Variants in BCR observed in about 807,000 individuals in gnomAD.
BCR encodes BCR activator of RhoGEF and GTPase, also known as breakpoint cluster region protein.
In BCR, 58 loss-of-function variants were observed where a neutral mutation model predicts 138.6. That is an observed-to-expected ratio of 0.42 (90% confidence interval 0.34 to 0.52). The LOEUF (loss-of-function observed/expected upper bound fraction) is 0.52, where lower values mean the gene tolerates loss of function less well. Ranked by LOEUF, BCR falls within the 20% of genes least tolerant of loss-of-function variation. The probability of loss-of-function intolerance (pLI) is 0.06; values close to 1 mark genes in which losing one functional copy is unlikely to be tolerated. For missense variants in BCR, 1,599 were observed against 1,727.2 expected (o/e 0.93, Z 1.32); for synonymous variants, 786 against 730.1 (o/e 1.08, Z -1.23).
chr22:23,277,879 C>T (rs559540936), intron 8 of BCR, among the ~76,000 whole-genome samples: 6 of 152,292 alleles, frequency 3.9e-5, no homozygotes, highest in African/African-American at 1.2e-4. Context: ...GAACGGTGGC[C>T]GGCAGGTGCT....
chr22:23,283,436 C>T (rs536791211), intron 8 of BCR: 1 of 152,970 alleles, frequency 6.5e-6, no homozygotes, highest in South Asian at 2.1e-4. Context: ...GGCCTGTCTC[C>T]ACCCATAGAC....
intron 1 of BCR, among the ~76,000 whole-genome samples, chr22:23,224,635 A>C (rs1478076704): frequency 6.6e-6 from 1 of 152,128 alleles, no homozygotes. Context: ...TAATCCCAAC[A>C]CTTTGGGAGG....
intron 15 of BCR, among the ~76,000 whole-genome samples, chr22:23,293,300 A>C (rs2073810109): frequency 1.3e-5 from 2 of 152,204 alleles, no homozygotes; most frequent in Middle Eastern, 3.4e-3. Context: ...GGGCCTGCAG[A>C]GAGCTGCCTC....
intron 4 of BCR, chr22:23,264,342 G>A: frequency 1.0e-6 from 1 of 980,746 alleles, no homozygotes; most frequent in Non-Finnish European, 1.7e-6. Context: ...CCACGTCCTG[G>A]ATATTCAAAA....
At chr22:23,281,853 CCAGTGTGACACT>C (rs1198516807) in intron 8 of BCR, among the ~76,000 whole-genome samples, 3 of 152,228 alleles carry the variant, frequency 2.0e-5, no homozygotes, top group African/African-American at 7.2e-5. Context: ...CTACAGGTCC[CCAGTGTGACACT>C]CAGTAGCCTT....
intron 8 of BCR, chr22:23,283,469 G>A (rs183482650): frequency 2.5e-4 from 39 of 155,276 alleles, no homozygotes; most frequent in Non-Finnish European, 2.4e-4. Context: ...TCTGTACCTC[G>A]GGCACCAATC....
rs199575825 is a variant in BCR, at chr22:23,292,664, C to T, written c.2880+26C>T. ...GTGAGGAACTGATTCCACAAGGGCC[C>T]AGCCTGCCAGGTGGGGCACAGGATA... On this transcript the variant is annotated intron_variant, in intron 15 of 22. Transcript: ENST00000305877. 5.5e-4 allele frequency: 869 copies of T among 1,574,530 alleles called. 12 individuals carry two copies. In the Middle Eastern group the frequency reaches 0.012, roughly 22 times the overall value.
intron 13 of BCR, 166 bp downstream of exon 13, chr22:23,289,787 C>A: frequency 1.5e-6 from 1 of 653,378 alleles, no homozygotes; most frequent in Non-Finnish European, 2.7e-6. Context: ...CAGGAGTGGA[C>A]AAGGTGGGTT....
chr22:23,298,270 C>T lies in BCR; in HGVS notation c.3012+3115C>T, dbSNP rs572612514. 6.1e-4 allele frequency among the ~76,000 whole-genome samples: 93 copies of T among 152,234 alleles called. 1 individual carries two copies. In the South Asian group the frequency reaches 0.018, roughly 30 times the overall value. On this transcript the variant is annotated intron_variant, in intron 16 of 22. Coordinates refer to ENST00000305877, the MANE Select transcript of BCR (RefSeq NM_004327.4). ...ACAGGCCAAAGTGATCGATCTCCCC[C>T]GGGGGATGGCGTGGGGTGAGGAATC...
intron 2 of BCR, among the ~76,000 whole-genome samples, chr22:23,259,519 T>A (rs1027247557): frequency 1.4e-5 from 2 of 143,378 alleles, no homozygotes; most frequent in African/African-American, 5.6e-5. Flanking sequence ...AAAAAAAAAT[T>A]TTTTTTTTTT....
intron 5 of BCR, 98 bp downstream of exon 5, chr22:23,268,613 C>A: frequency 9.7e-7 from 1 of 1,026,372 alleles, no homozygotes; most frequent in South Asian, 1.4e-5. Flanking sequence ...AAGATCTGGT[C>A]GTGAACCCCA....
At chr22:23,262,646 C>G (rs1238384981) in intron 4 of BCR, 1 of 422,758 alleles carries the variant, frequency 2.4e-6, no homozygotes, top group East Asian at 1.6e-4. Context: ...TGCCCCGCAG[C>G]TGCTCTTGGG....
chr22:23,181,813 G>A lies in BCR; in HGVS notation c.853G>A (p.Gly285Arg). 1 of 1,610,696 alleles carries A rather than the reference G, an allele frequency of 6.2e-7. No individual in the cohort carries two copies. Among genetic ancestry groups the A allele is most frequent in the Non-Finnish European group, 8.5e-7 (1 of 1,179,932 alleles). Residue 285 changes from glycine to arginine, a missense_variant, in exon 1 of 23, where the codon GGG (glycine) becomes AGG (arginine). Gly to Arg is a moderately radical substitution (Grantham distance 125, BLOSUM62 -2). Transcript: ENST00000305877. Reference protein sequence around the residue: ...EYQPYQSIYVGGMMEGEGKGP... With the variant: ...EYQPYQSIYVRGMMEGEGKGP... ...CCAGCCCTACCAGAGCATCTACGTC[G>A]GGGGCATGATGGAAGGGGAGGGCAA...
intron 4 of BCR, among the ~76,000 whole-genome samples, chr22:23,265,232 G>A (rs1321531811): frequency 6.6e-6 from 1 of 152,220 alleles, no homozygotes; most frequent in African/African-American, 2.4e-5. Context: ...TGATGCAGCC[G>A]GAAGACTCGG....
chr22:23,316,883 C>T lies in BCR; in HGVS notation c.*1361C>T, dbSNP rs564622554. ...CGCCAAGTATTTTCAAGAAATAACC[C>T]CATGAATATTCCATCACTTTTTTAG... On this transcript the variant is annotated 3_prime_UTR_variant, in exon 23 of 23. Transcript: ENST00000305877. 25 of 128,808 alleles carry T rather than the reference C, an allele frequency of 1.9e-4. No individual in the cohort carries two copies. The East Asian group carries it at 2.6e-3, about 13-fold the overall frequency. The allele number at this position is 128,808 out of a possible 1,614,324, so 8.0% of individuals were successfully genotyped here.
intron 2 of BCR, among the ~76,000 whole-genome samples, chr22:23,260,491 G>T (rs2073343874): frequency 6.6e-6 from 1 of 152,210 alleles, no homozygotes; most frequent in Non-Finnish European, 1.5e-5. Context: ...AGCAGTCAGA[G>T]AATCCAGGTG....
intron 1 of BCR, among the ~76,000 whole-genome samples, chr22:23,183,243 G>A (rs2072294101): frequency 6.6e-6 from 1 of 152,198 alleles, no homozygotes; most frequent in South Asian, 2.1e-4. Flanking sequence ...GGGCTGGGGT[G>A]TGTGTGTGAG....
chr22:23,259,910 C>T (rs539838816), intron 2 of BCR, among the ~76,000 whole-genome samples: 1 of 152,236 alleles, frequency 6.6e-6, no homozygotes, highest in East Asian at 1.9e-4. Context: ...ATGACTTGAG[C>T]CTGGGCTCTC....
At position 23,316,936 on chromosome 22, in the gene BCR, G is replaced by A. The variant is rs1288754812; in HGVS notation, c.*1414G>A. 8.0e-5 allele frequency: 11 copies of A among 137,680 alleles called. 1 individual carries two copies. The highest frequency in any genetic ancestry group is 1.8e-4 in the Admixed American group (2 of 11,376). The allele number at this position is 137,680 out of a possible 1,614,324, so 8.5% of individuals were successfully genotyped here. On this transcript the variant is annotated 3_prime_UTR_variant, in exon 23 of 23. Coordinates refer to ENST00000305877, the MANE Select transcript of BCR (RefSeq NM_004327.4). The stretch of plus-strand genomic sequence containing the variant: ...AGAGGGGCTTGGGGCAGGCAGAGGA[G>A]AGAAGGGAGAGCAAACTGAGAGCCA...
Sources: gnomAD v4.1 joint callset for allele counts (sites outside exome capture counted in the v4.1 genomes callset) on GRCh38, gnomAD v4.1.1 for gene constraint, MANE v1.5 for transcripts, NCBI Gene and HGNC (gene_info 2026-07-23, HGNC 2026-07-21) for gene names.